The following DIAPH2 variants were observed in gnomAD, a reference collection of about 807,000 sequenced individuals.
DIAPH2 encodes diaphanous related formin 2.
In DIAPH2, 35 loss-of-function variants were observed where a neutral mutation model predicts 92.7. The ratio of observed to expected loss-of-function variants is 0.38; its 90% CI spans 0.29 to 0.50. The LOEUF is 0.50. Among genes scored for constraint, DIAPH2 ranks in the 20% least tolerant of loss-of-function variants. The pLI is 0.94. For synonymous variants in DIAPH2, 301 were observed against 280.4 expected, an observed-to-expected ratio of 1.07 and a Z score of -0.73; for missense variants, 701 against 819.5, an observed-to-expected ratio of 0.86 and a Z score of 1.77.
chrX:96,936,001 T>G (rs1223702596), intron 10 of DIAPH2, among the ~76,000 whole-genome samples: 1 of 111,795 alleles, frequency 8.9e-6, no homozygotes, highest in East Asian at 2.8e-4. Context: ...CCTGATAATA[T>G]GACCCAGCAA....
At chrX:97,566,571 G>A (rs1227934104) in intron 26 of DIAPH2, among the ~76,000 whole-genome samples, 1 of 111,798 alleles carries the variant, frequency 8.9e-6, no homozygotes. Context: ...TTTATATCAG[G>A]CAGAATGTGT....
chrX:97,393,767 G>T (rs2069680942), intron 25 of DIAPH2, among the ~76,000 whole-genome samples: 1 of 111,859 alleles, frequency 8.9e-6, no homozygotes, highest in African/African-American at 3.2e-5. Flanking sequence ...GGAAGCAATA[G>T]GAAAAAGTAT....
At chrX:97,589,026 T>TATATAA (rs1186044758) in intron 26 of DIAPH2, among the ~76,000 whole-genome samples, 1 of 84,895 alleles carries the variant, frequency 1.2e-5, no homozygotes, top group African/African-American at 4.0e-5. Flanking sequence ...TATATATATA[T>TATATAA]AAAAGAATCA....
chrX:97,440,109 C>T (rs2070237817), intron 26 of DIAPH2, among the ~76,000 whole-genome samples: 1 of 111,458 alleles, frequency 9.0e-6, no homozygotes, highest in Non-Finnish European at 1.9e-5. Context: ...TCTGGCCACA[C>T]ACTGGTATTA....
At chrX:97,315,206 A>G (rs1300689167) in intron 23 of DIAPH2, among the ~76,000 whole-genome samples, 2 of 111,289 alleles carry the variant, frequency 1.8e-5, no homozygotes, top group Admixed American at 9.8e-5. Flanking sequence ...CAGGAAGCTG[A>G]GGCATGATGA....
intron 23 of DIAPH2, among the ~76,000 whole-genome samples, chrX:97,258,785 G>C (rs1177813518): frequency 1.1e-4 from 11 of 98,500 alleles, no homozygotes; most frequent in Non-Finnish European, 2.0e-4. Context: ...GCAGGAGAAT[G>C]GCGTGAACCC....
At chrX:96,971,069 A>G (rs1238781338) in intron 17 of DIAPH2, among the ~76,000 whole-genome samples, 2 of 112,006 alleles carry the variant, frequency 1.8e-5, no homozygotes, top group Non-Finnish European at 3.8e-5. Flanking sequence ...ACTTATTTGA[A>G]TTGAATGCTA....
At chrX:97,058,105 G>T (rs900404009) in intron 17 of DIAPH2, among the ~76,000 whole-genome samples, 8 of 111,507 alleles carry the variant, frequency 7.2e-5, no homozygotes, top group Admixed American at 6.7e-4. Flanking sequence ...TATATGTATT[G>T]ATGCAACATG....
intron 22 of DIAPH2, among the ~76,000 whole-genome samples, chrX:97,144,078 A>G (rs374709438): frequency 9.0e-6 from 1 of 111,621 alleles, no homozygotes; most frequent in East Asian, 2.8e-4. Context: ...GGCCTGGTGC[A>G]ATGGCTCACA....
intron 17 of DIAPH2, among the ~76,000 whole-genome samples, chrX:97,044,570 C>T (rs1313254079): frequency 9.0e-6 from 1 of 111,247 alleles, no homozygotes; most frequent in Non-Finnish European, 1.9e-5. Flanking sequence ...CAGAAAGAGT[C>T]CCTGTACCTA....
chrX:97,075,905 T>C (rs2066701414), intron 19 of DIAPH2, among the ~76,000 whole-genome samples: 1 of 112,386 alleles, frequency 8.9e-6, no homozygotes, highest in South Asian at 3.7e-4. Context: ...AGAACTAGGA[T>C]TCAAAACAAT....
intron 26 of DIAPH2, among the ~76,000 whole-genome samples, chrX:97,508,402 T>C (rs1415501569): frequency 8.9e-6 from 1 of 112,172 alleles, no homozygotes; most frequent in Non-Finnish European, 1.9e-5. Context: ...ATGAAGGAAA[T>C]TGAAACATAC....
At chrX:97,427,194 A>C (rs1187202123) in intron 25 of DIAPH2, among the ~76,000 whole-genome samples, 2 of 110,441 alleles carry the variant, frequency 1.8e-5, no homozygotes, top group Non-Finnish European at 3.8e-5. Flanking sequence ...AAAAAAATCA[A>C]TTTTACCTTT....
chrX:96,814,611 G>A (rs2064716010), intron 4 of DIAPH2, among the ~76,000 whole-genome samples: 1 of 111,844 alleles, frequency 8.9e-6, no homozygotes, highest in African/African-American at 3.3e-5. Flanking sequence ...GAAGCGCTCT[G>A]GTTTTTAGAA....
intron 26 of DIAPH2, among the ~76,000 whole-genome samples, chrX:97,508,969 A>C (rs189437352): frequency 6.4e-4 from 70 of 109,797 alleles, no homozygotes; most frequent in Middle Eastern, 4.7e-3. Flanking sequence ...ACAACAACAA[A>C]AAAAAAACAG....
intron 25 of DIAPH2, among the ~76,000 whole-genome samples, chrX:97,387,371 A>T (rs766144302): frequency 8.9e-6 from 1 of 112,498 alleles, no homozygotes; most frequent in African/African-American, 3.2e-5. Context: ...ACAAACACAT[A>T]TACACACACA....
chrX:96,890,657 A>G (rs1007732530), intron 5 of DIAPH2, among the ~76,000 whole-genome samples: 1 of 111,578 alleles, frequency 9.0e-6, no homozygotes, highest in Admixed American at 9.6e-5. Context: ...ACACACACAC[A>G]TACGTATACA....
intron 22 of DIAPH2, among the ~76,000 whole-genome samples, chrX:97,201,033 G>A (rs1289185606): frequency 1.8e-5 from 2 of 110,280 alleles, no homozygotes; most frequent in Non-Finnish European, 3.8e-5. Context: ...GGTGAACAGG[G>A]TCTGGAGTGG....
chrX:97,296,220 T>G (rs1012784365), intron 23 of DIAPH2, among the ~76,000 whole-genome samples: 1 of 111,504 alleles, frequency 9.0e-6, no homozygotes, highest in African/African-American at 3.3e-5. Flanking sequence ...TGGCTAGGTG[T>G]ATTTAGCTGT....
Sources: gnomAD v4.1 joint callset for allele counts (sites outside exome capture counted in the v4.1 genomes callset) on GRCh38, gnomAD v4.1.1 for gene constraint, MANE v1.5 for transcripts, NCBI Gene and HGNC (gene_info 2026-07-23, HGNC 2026-07-21) for gene names.